The following SDHAF3 variants were observed in gnomAD, a reference collection of about 807,000 sequenced individuals.
The protein encoded by SDHAF3 is succinate dehydrogenase complex assembly factor 3, also known as succinate dehydrogenase assembly factor 3, mitochondrial.
SDHAF3 carries 18 observed loss-of-function variants against 11.5 expected under a neutral mutation model. That is an observed-to-expected ratio of 1.56 (90% CI 1.08 to 2.32). The LOEUF is 2.32. Among genes scored for constraint, SDHAF3 ranks in the 30% most tolerant of loss-of-function variants. The pLI is 0.00. For missense variants in SDHAF3, 200 were observed against 154.4 expected (o/e 1.30, Z -1.57); for synonymous variants, 72 against 59.3 (o/e 1.21, Z -0.99).
At chr7:97,160,068 T>C (rs1418281298) in intron 1 of SDHAF3, among the ~76,000 whole-genome samples, 59 of 123,470 alleles carry the variant, frequency 4.8e-4, no homozygotes, top group African/African-American at 8.6e-4. Context: ...TCTGCCCGGC[T>C]GCCCTATCTG....
intron 1 of SDHAF3, among the ~76,000 whole-genome samples, chr7:97,149,699 T>C (rs1789189048): frequency 6.6e-6 from 1 of 152,268 alleles, no homozygotes; most frequent in Non-Finnish European, 1.5e-5. Flanking sequence ...ATATTTTTAC[T>C]GATCAAGAAT....
intron 1 of SDHAF3, among the ~76,000 whole-genome samples, chr7:97,122,726 A>G (rs1337365443): frequency 6.6e-6 from 1 of 152,100 alleles, no homozygotes; most frequent in Non-Finnish European, 1.5e-5. Flanking sequence ...TCAGAGAGAT[A>G]TGTGTTGGTC....
At chr7:97,149,327 A>G (rs1202373809) in intron 1 of SDHAF3, among the ~76,000 whole-genome samples, 2 of 152,122 alleles carry the variant, frequency 1.3e-5, no homozygotes. Context: ...AGAAATAAAA[A>G]TTTCAGTTTT....
At chr7:97,179,698 A>G (rs944346898) in intron 1 of SDHAF3, among the ~76,000 whole-genome samples, 4 of 151,980 alleles carry the variant, frequency 2.6e-5, no homozygotes, top group African/African-American at 9.7e-5. Flanking sequence ...GCAGACTCTC[A>G]CTGACCCCTC....
At chr7:97,119,488 T>C (rs1038186002) in intron 1 of SDHAF3, among the ~76,000 whole-genome samples, 1 of 152,174 alleles carries the variant, frequency 6.6e-6, no homozygotes, top group Non-Finnish European at 1.5e-5. Flanking sequence ...ATTTTAGACA[T>C]ACAGAAGAGT....
intron 1 of SDHAF3, among the ~76,000 whole-genome samples, chr7:97,180,523 C>A (rs937180104): frequency 4.6e-5 from 7 of 152,040 alleles, no homozygotes; most frequent in African/African-American, 1.7e-4. Context: ...GGACCTGTAC[C>A]CAAACTTGAG....
At chr7:97,158,031 T>C (rs1269953794) in intron 1 of SDHAF3, among the ~76,000 whole-genome samples, 1 of 151,830 alleles carries the variant, frequency 6.6e-6, no homozygotes, top group Non-Finnish European at 1.5e-5. Context: ...GAGTTAATCA[T>C]GATGAGTTAA....
intron 1 of SDHAF3, among the ~76,000 whole-genome samples, chr7:97,151,958 C>T (rs1315564584): frequency 6.6e-6 from 1 of 152,074 alleles, no homozygotes; most frequent in Non-Finnish European, 1.5e-5. Context: ...TTTCTGAGCC[C>T]CAATACTACA....
chr7:97,160,180 A>G (rs6943457), intron 1 of SDHAF3, among the ~76,000 whole-genome samples: 42,299 of 126,468 alleles, frequency 0.33, 7,755 homozygotes, highest in East Asian at 0.42. Flanking sequence ...CTGCCCGGCC[A>G]CCCATCGTCT....
rs138672586 is a variant in SDHAF3, at chr7:97,177,426, C to T, written c.175-3586C>T. On this transcript the variant is annotated intron_variant, in intron 1 of 1. Coordinates refer to ENST00000432641, the MANE Select transcript of SDHAF3 (RefSeq NM_020186.3). ...CTGAGGCAGGAGAATTGTGTGAACC[C>T]GGGAGGCACAGCTTGTAGTGAGCCG... Among the ~76,000 whole-genome samples the T allele has an allele frequency of 4.8e-3, 724 of 151,942 alleles. 3 individuals carry two copies. Among genetic ancestry groups the T allele is most frequent in the Non-Finnish European group, 7.4e-3 (502 of 67,986 alleles).
At chr7:97,130,218 G>T (rs1390732834) in intron 1 of SDHAF3, among the ~76,000 whole-genome samples, 1 of 150,050 alleles carries the variant, frequency 6.7e-6, no homozygotes, top group Non-Finnish European at 1.5e-5. Context: ...GTTGCAGTGA[G>T]CCCACACAGT....
chr7:97,137,598 T>G (rs1788948812), intron 1 of SDHAF3, among the ~76,000 whole-genome samples: 1 of 152,194 alleles, frequency 6.6e-6, no homozygotes, highest in African/African-American at 2.4e-5. Context: ...GTCTACTATT[T>G]TTTAGGGGTT....
chr7:97,152,244 G>C (rs1167535468), intron 1 of SDHAF3, among the ~76,000 whole-genome samples: 1 of 152,130 alleles, frequency 6.6e-6, no homozygotes. Context: ...TAGAGAAACT[G>C]TTTCATACAC....
chr7:97,179,480 T>TG (rs1789737811), intron 1 of SDHAF3, among the ~76,000 whole-genome samples: 1 of 141,100 alleles, frequency 7.1e-6, no homozygotes. Flanking sequence ...TTCCATTTTT[T>TG]TTTTTTTTTT....
At chr7:97,162,371 CTCTA>C (rs1789427536) in intron 1 of SDHAF3, among the ~76,000 whole-genome samples, 1 of 151,964 alleles carries the variant, frequency 6.6e-6, no homozygotes, top group Non-Finnish European at 1.5e-5. Context: ...GTTTTTGTGT[CTCTA>C]TCTCCTTCAG....
chr7:97,130,631 C>G (rs1791654795), intron 1 of SDHAF3, among the ~76,000 whole-genome samples: 1 of 152,220 alleles, frequency 6.6e-6, no homozygotes. Flanking sequence ...GGCCGCAGCC[C>G]TGTGATGGCA....
intron 1 of SDHAF3, among the ~76,000 whole-genome samples, chr7:97,178,092 T>TATC (rs1209420492): frequency 6.6e-6 from 1 of 152,230 alleles, no homozygotes; most frequent in African/African-American, 2.4e-5. Context: ...CCCTTAGTAT[T>TATC]ATCTATTCTT....
At chr7:97,151,974 A>G (rs560542217) in intron 1 of SDHAF3, among the ~76,000 whole-genome samples, 1 of 152,282 alleles carries the variant, frequency 6.6e-6, no homozygotes, top group East Asian at 1.9e-4. Flanking sequence ...CTACATTGAC[A>G]CATTAAGATC....
At chr7:97,172,102 GAAAAACTATTCTTC>G in intron 1 of SDHAF3, among the ~76,000 whole-genome samples, 1 of 151,942 alleles carries the variant, frequency 6.6e-6, no homozygotes, top group Non-Finnish European at 1.5e-5. Flanking sequence ...AACAAAATAT[GAAAAACTATTCTTC>G]AAAAGTTTCT....
Sources: allele counts gnomAD v4.1 joint callset (sites outside exome capture counted in the v4.1 genomes callset), GRCh38; gene constraint gnomAD v4.1.1; transcripts MANE v1.5; gene names NCBI Gene and HGNC (gene_info 2026-07-23, HGNC 2026-07-21).